Variants in NGDN observed in about 807,000 individuals in gnomAD.
The protein encoded by NGDN is EIF4E-binding protein.
Under a neutral mutation model 45.2 loss-of-function variants are expected in NGDN, and 41 were observed. That is an observed-to-expected ratio of 0.91 (90% CI 0.71 to 1.18). The LOEUF (loss-of-function observed/expected upper bound fraction) is 1.18, where lower values mean the gene tolerates loss of function less well. NGDN is among the 50% of genes most tolerant of loss of function. The pLI is 0.00. For synonymous variants in NGDN, 137 were observed against 130.9 expected, an observed-to-expected ratio of 1.05 and a Z score of -0.32; for missense variants, 402 against 399.9, an observed-to-expected ratio of 1.01 and a Z score of -0.05.
chr14:23,470,423 C>G (rs540834357), intron 2 of NGDN: 18 of 282,656 alleles, frequency 6.4e-5, no homozygotes, highest in Non-Finnish European at 4.0e-5. Flanking sequence ...CTCGACTTAA[C>G]GATGGAGGTT....
intron 3 of NGDN, among the ~76,000 whole-genome samples, chr14:23,472,182 T>TA (rs78085081): frequency 0.11 from 8,787 of 81,832 alleles, 522 homozygotes; most frequent in Admixed American, 0.17. Flanking sequence ...GAGACTGTCT[T>TA]AAAAAAAAAA....
In NGDN at chr14:23,469,975, A is replaced by G. The variant is rs1474019340; in HGVS notation, c.13-67A>G. 5.2e-6 allele frequency: 8 copies of G among 1,551,540 alleles called. No homozygotes were observed. The African/African-American group carries it at 6.8e-5, about 13-fold the overall frequency. On this transcript the variant is annotated intron_variant, in intron 1 of 10. Coordinates refer to ENST00000408901, the MANE Select transcript of NGDN (RefSeq NM_001042635.2). ...GAGAGAGGGCAGTTTCCCACCCTAG[A>G]CGTTCCACTTTCCTATAATCCTGAG...
chr14:23,472,166 CAG>C (rs1462421508), intron 3 of NGDN, among the ~76,000 whole-genome samples: 1 of 114,614 alleles, frequency 8.7e-6, no homozygotes, highest in Non-Finnish European at 1.7e-5. Context: ...GCCTGGGCAA[CAG>C]AGTGAGACTG....
In NGDN at chr14:23,477,559, A is replaced by C; in HGVS notation, c.927A>C (p.Lys309Asn). ...KKIPQKGRKKKGFRRRR is the reference protein window; with the variant it reads ...KKIPQKGRKKNGFRRRR ...TACCTCAGAAAGGTCGGAAGAAAAA[A>C]GGTCAGTGAACTGCTGGGACTTAGG... Residue 309 changes from lysine (K) to asparagine (N), a missense_variant and splice_region_variant, in exon 10 of 11, where the codon AAA becomes AAC. Lys to Asn is a moderately conservative substitution (Grantham distance 94, BLOSUM62 0). Transcript: ENST00000408901. 6.2e-7 allele frequency: 1 copy of C among 1,614,178 alleles called. No homozygotes were observed.
intron 4 of NGDN, 54 bp from the exon 5 acceptor site, chr14:23,475,504 T>A: frequency 1.9e-6 from 3 of 1,551,034 alleles, no homozygotes; most frequent in Non-Finnish European, 2.7e-6. Context: ...GGGACTCTGG[T>A]GTGTGCTTCA....
At chr14:23,470,376 G>A in intron 2 of NGDN, 1 of 436,874 alleles carries the variant, frequency 2.3e-6, no homozygotes, top group South Asian at 2.8e-5. Context: ...CTTGCCCTTT[G>A]GGTGCCCAGG....
chr14:23,472,809 A>G (rs763237183), intron 3 of NGDN, among the ~76,000 whole-genome samples: 3 of 152,178 alleles, frequency 2.0e-5, no homozygotes, highest in Non-Finnish European at 2.9e-5. Flanking sequence ...ACAGCATTCA[A>G]AATATATTCC....
chr14:23,475,149 C>T (rs767412590), intron 3 of NGDN, 22 bp from the exon 4 acceptor site: 1 of 1,592,500 alleles, frequency 6.3e-7, no homozygotes, highest in Non-Finnish European at 8.5e-7. Context: ...ATCTGTTTTT[C>T]TTTCTGTTTT....
At chr14:23,471,268 T>G (rs1893771669) in intron 3 of NGDN, 1 of 306,162 alleles carries the variant, frequency 3.3e-6, no homozygotes, top group Non-Finnish European at 6.0e-6. Flanking sequence ...GATAGGATTT[T>G]GAGGAATAAA....
At chr14:23,475,914 ATTCCCTTTT>A in intron 6 of NGDN, 106 bp from the exon 7 acceptor site, 1 of 1,484,074 alleles carries the variant, frequency 6.7e-7, no homozygotes, top group East Asian at 2.3e-5. Flanking sequence ...TGAGTTTGAG[ATTCCCTTTT>A]TTCCCTTTTT....
chr14:23,476,061 A>C lies in NGDN; in HGVS notation c.453A>C (p.Ala151=), dbSNP rs370863157. The change falls in exon 7 of 11, where the codon GCA becomes GCC. Residue 151 remains alanine, a synonymous_variant. Coordinates refer to ENST00000408901, the MANE Select transcript of NGDN (RefSeq NM_001042635.2). ...LSSEDEEEDE[A]EDDQSEASGK... is the part of the protein sequence containing the mutation. Reference sequence around the variant, plus strand: ...CTGAGGATGAGGAGGAAGATGAAGCAGAAGATGACCAGTCTGAGGCTTCAG... The same window carrying C: ...CTGAGGATGAGGAGGAAGATGAAGCCGAAGATGACCAGTCTGAGGCTTCAG... 1.2e-6 allele frequency: 2 copies of C among 1,614,198 alleles called. No individual in the cohort carries two copies. The highest frequency in any genetic ancestry group is 3.3e-5 in the Admixed American group (2 of 60,032).
Position 23,475,645 on chromosome 14 carries a change from A to G in NGDN, c.367+3A>G, listed in dbSNP as rs762724597. On this transcript the variant is annotated splice_donor_region_variant and intron_variant, in intron 5 of 10. Coordinates refer to ENST00000408901, the MANE Select transcript of NGDN (RefSeq NM_001042635.2). ...GACTGCAGTGACAGGCAGCCTTAGTAAGTGAGGAGACCATCATGAAGTTGT... is the reference window on the plus strand; with the variant it reads ...GACTGCAGTGACAGGCAGCCTTAGTGAGTGAGGAGACCATCATGAAGTTGT... The G allele has an allele frequency of 3.1e-6, 5 of 1,614,092 alleles. No homozygotes were observed. The highest frequency in any genetic ancestry group is 2.2e-5 in the East Asian group (1 of 44,890).
rs758619609 is a variant in NGDN, at chr14:23,476,374, A to T, written c.680A>T (p.His227Leu). 3.1e-6 allele frequency: 5 copies of T among 1,612,406 alleles called. No individual in the cohort carries two copies. In the Admixed American group the frequency reaches 6.7e-5, roughly 22 times the overall value. Reference protein sequence around the residue: ...PEEIRDARHPHVTRQSQEDQH... With the variant: ...PEEIRDARHPLVTRQSQEDQH... ...GAAATCCGTGATGCTCGGCATCCCC[A>T]TGTTACCCGCCAGAGTCAGGAGGAC... Residue 227 changes from histidine (H) to leucine (L), a missense_variant, in exon 8 of 11, where the codon CAT becomes CTT. His to Leu is a moderately conservative substitution (Grantham distance 99). Transcript: ENST00000408901.
At chr14:23,477,904 A>C (rs891623973) in intron 10 of NGDN, 103 bp from the exon 11 acceptor site, 21 of 1,608,966 alleles carry the variant, frequency 1.3e-5, no homozygotes, top group Non-Finnish European at 1.8e-5. Context: ...ACTGCCTAGG[A>C]GACCCCACCC....
At chr14:23,477,626 G>A (rs951707708) in intron 10 of NGDN, 66 bp downstream of exon 10, 6 of 1,604,886 alleles carry the variant, frequency 3.7e-6, no homozygotes, top group Non-Finnish European at 5.1e-6. Context: ...AGTCTCTTTG[G>A]ATTTGCCATT....
chr14:23,475,165 A>C lies in NGDN; in HGVS notation c.145-6A>C. On this transcript the variant is annotated splice_polypyrimidine_tract_variant and splice_region_variant and intron_variant, in intron 3 of 10. Coordinates refer to ENST00000408901, the MANE Select transcript of NGDN (RefSeq NM_001042635.2). ...TCTGTTTTTCTTTCTGTTTTGTTCA[A>C]CTCAGGGTCTCAGCTTCTTGGAAGT... is the stretch of plus-strand genomic sequence containing the variant. 1 of 1,610,252 alleles carries C rather than the reference A, an allele frequency of 6.2e-7. No individual in the cohort carries two copies. Among genetic ancestry groups the C allele is most frequent in the East Asian group, 2.2e-5 (1 of 44,838 alleles).
intron 3 of NGDN, chr14:23,471,752 A>C (rs2138720748): frequency 6.6e-6 from 1 of 151,692 alleles, no homozygotes; most frequent in Non-Finnish European, 1.5e-5. Context: ...TTGAGGCTGC[A>C]GTAAGCTGTG....
rs558343454 is a variant in NGDN, at chr14:23,475,363, G to A, written c.282+55G>A. 154 of 1,545,362 alleles carry A rather than the reference G, an allele frequency of 1.0e-4. 2 individuals carry two copies. In the South Asian group the frequency reaches 1.8e-3, roughly 18 times the overall value. On this transcript the variant is annotated intron_variant, in intron 4 of 10. Transcript: ENST00000408901. ...AGGTTTCTAAATTTTGAGCTCCAAG[G>A]GTATCACACAGTAGCTCTCATTTAA...
In NGDN at chr14:23,475,597, T is replaced by C. The variant is rs1330675385; in HGVS notation, c.322T>C (p.Tyr108His). Residue 108 changes from tyrosine (Y) to histidine (H), a missense_variant, in exon 5 of 11, where the codon TAT becomes CAT. Tyr to His is a moderately conservative substitution (Grantham distance 83). Transcript: ENST00000408901. Reference sequence around the variant, plus strand: ...TCGTCCCTTGGACCAAAAGCTGAAGTATCAAATTGACAAGCTGATCAAGAC... The same window carrying C: ...TCGTCCCTTGGACCAAAAGCTGAAGCATCAAATTGACAAGCTGATCAAGAC... ...KLRPLDQKLKYQIDKLIKTAV... is the reference protein window; with the variant it reads ...KLRPLDQKLKHQIDKLIKTAV... 1 of 1,614,214 alleles carries C rather than the reference T, an allele frequency of 6.2e-7. No homozygotes were observed. Among genetic ancestry groups the C allele is most frequent in the Non-Finnish European group, 8.5e-7 (1 of 1,180,038 alleles).
Sources: gnomAD v4.1 joint callset for allele counts (sites outside exome capture counted in the v4.1 genomes callset) on GRCh38, gnomAD v4.1.1 for gene constraint, MANE v1.5 for transcripts, NCBI Gene and HGNC (gene_info 2026-07-23, HGNC 2026-07-21) for gene names.